The following RSF1 variants were observed in gnomAD, a reference collection of about 807,000 sequenced individuals.
RSF1 encodes remodeling and spacing factor 1, also known as HBV pX-associated protein 8.
A neutral mutation model predicts 145.2 loss-of-function variants in RSF1; 13 were observed. That is an observed-to-expected ratio of 0.09 (90% CI 0.06 to 0.14). RSF1 has a LOEUF of 0.14. Ranked by LOEUF, RSF1 falls within the 10% of genes least tolerant of loss-of-function variation. The pLI is 1.00. For synonymous variants in RSF1, 577 were observed against 592.6 expected, an observed-to-expected ratio of 0.97 and a Z score of 0.38; for missense variants, 1,517 against 1,718.2, an observed-to-expected ratio of 0.88 and a Z score of 2.07.
At chr11:77,755,484 G>T (rs1166551725) in intron 2 of RSF1, among the ~76,000 whole-genome samples, 1 of 152,192 alleles carries the variant, frequency 6.6e-6, no homozygotes, top group Non-Finnish European at 1.5e-5. Flanking sequence ...ATGATGGTAT[G>T]TATCAGACAT....
chr11:77,783,398 A>C (rs1948423530), intron 1 of RSF1, among the ~76,000 whole-genome samples: 2 of 152,164 alleles, frequency 1.3e-5, no homozygotes, highest in South Asian at 4.1e-4. Context: ...TTTTCATCCG[A>C]AGATGTTTCT....
At chr11:77,798,965 A>T (rs1590893904) in intron 1 of RSF1, among the ~76,000 whole-genome samples, 1 of 99,506 alleles carries the variant, frequency 1.0e-5, no homozygotes, top group African/African-American at 5.0e-5. Flanking sequence ...AAGTATAATT[A>T]AAAAAAAAAA....
intron 1 of RSF1, among the ~76,000 whole-genome samples, chr11:77,775,938 A>C (rs922285785): frequency 6.6e-6 from 1 of 152,110 alleles, no homozygotes; most frequent in Non-Finnish European, 1.5e-5. Context: ...ATGCTTGACT[A>C]ATTTTTAAAT....
the RSF1 span, among the ~76,000 whole-genome samples, chr11:77,863,952 G>C: frequency 6.6e-6 from 1 of 150,970 alleles, no homozygotes; most frequent in African/African-American, 2.4e-5. Flanking sequence ...TTGAGACAGA[G>C]TTTCACTCTT....
Position 77,661,311 on chromosome 11 carries a change from T to A in RSF1, c.*5606A>T, listed in dbSNP as rs182720130. ...TTTGAAAGAGAATAGAACACCAGAC[T>A]AACATTGAGAATACCCTAGTTAGGC... On this transcript the variant is annotated 3_prime_UTR_variant, in exon 16 of 16. Coordinates refer to ENST00000308488, the MANE Select transcript of RSF1 (RefSeq NM_016578.4). 5.3e-5 allele frequency: 8 copies of A among 152,236 alleles called. No homozygotes were observed. The East Asian group carries it at 1.5e-3, about 29-fold the overall frequency. 9.4% of individuals were successfully genotyped at this position (152,236 alleles called of 1,614,324 possible).
chr11:77,728,930 T>A (rs1211180905), intron 4 of RSF1, among the ~76,000 whole-genome samples: 2 of 151,798 alleles, frequency 1.3e-5, no homozygotes, highest in Non-Finnish European at 2.9e-5. Context: ...TGGACAAGAA[T>A]GCAGCTATGA....
the RSF1 span, among the ~76,000 whole-genome samples, chr11:77,852,527 C>A: frequency 6.6e-6 from 1 of 152,120 alleles, no homozygotes; most frequent in African/African-American, 2.4e-5. Context: ...CACCTCCCAT[C>A]AGGTCCCTCC....
At position 77,665,786 on chromosome 11, in the gene RSF1, A is replaced by G. The variant is rs1311172195; in HGVS notation, c.*1131T>C. ...CACACACACGCACACGCACACACAC[A>G]AACACACACACACGCTAAAACTCAA... On this transcript the variant is annotated 3_prime_UTR_variant, in exon 16 of 16. Transcript: ENST00000308488. 2.6e-5 allele frequency: 4 copies of G among 151,832 alleles called. No individual in the cohort carries two copies. Among genetic ancestry groups the G allele is most frequent in the African/African-American group, 9.7e-5 (4 of 41,280 alleles). 9.4% of individuals were successfully genotyped at this position (151,832 alleles called of 1,614,324 possible).
chr11:77,854,752 G>A, the RSF1 span, among the ~76,000 whole-genome samples: 3 of 152,308 alleles, frequency 2.0e-5, no homozygotes, highest in Admixed American at 2.0e-4. Flanking sequence ...ATGTCTGGAG[G>A]ATGGTGGCCC....
intron 1 of RSF1, among the ~76,000 whole-genome samples, chr11:77,814,343 A>T (rs182290888): frequency 1.9e-4 from 29 of 152,250 alleles, no homozygotes; most frequent in African/African-American, 5.8e-4. Flanking sequence ...TACCAAAAAA[A>T]TTTTTAAAAA....
chr11:77,803,500 T>C (rs1274448735), intron 1 of RSF1, among the ~76,000 whole-genome samples: 1 of 147,684 alleles, frequency 6.8e-6, no homozygotes, highest in African/African-American at 2.5e-5. Context: ...TTATGTTGGC[T>C]GGGCATAGTG....
At chr11:77,725,958 A>G (rs904237599) in intron 4 of RSF1, among the ~76,000 whole-genome samples, 4 of 152,154 alleles carry the variant, frequency 2.6e-5, no homozygotes, top group Non-Finnish European at 4.4e-5. Context: ...TTGGGTTGAA[A>G]AGAAAAGTAG....
chr11:77,670,918 C>T (rs758701120), intron 15 of RSF1, among the ~76,000 whole-genome samples: 1 of 150,698 alleles, frequency 6.6e-6, no homozygotes, highest in Non-Finnish European at 1.5e-5. Flanking sequence ...ACTAGCTTGG[C>T]CAACATGGTG....
At chr11:77,765,506 ATCTGCCC>A (rs1948216546) in intron 1 of RSF1, among the ~76,000 whole-genome samples, 1 of 152,208 alleles carries the variant, frequency 6.6e-6, no homozygotes, top group African/African-American at 2.4e-5. Flanking sequence ...CTCAGTCAAA[ATCTGCCC>A]TCTGACAACT....
intron 1 of RSF1, among the ~76,000 whole-genome samples, chr11:77,814,196 T>TC (rs1948759681): frequency 2.4e-5 from 1 of 41,188 alleles, no homozygotes; most frequent in Non-Finnish European, 3.9e-5. Context: ...CGAGACTGTC[T>TC]CAAAAAAAAA....
chr11:77,849,645 G>GT, the RSF1 span, among the ~76,000 whole-genome samples: 40 of 150,934 alleles, frequency 2.7e-4, no homozygotes, highest in South Asian at 6.3e-4. Flanking sequence ...TTTTTTGTGT[G>GT]TTTTTTTTTA....
At position 77,676,279 on chromosome 11, in the gene RSF1, C is replaced by CT. The variant is rs72097709; in HGVS notation, c.3341+512dup. 2.4e-3 allele frequency among the ~76,000 whole-genome samples: 349 copies of CT among 145,284 alleles called. 2 individuals carry two copies. The highest frequency in any genetic ancestry group is 5.5e-3 in the South Asian group (25 of 4,570). On this transcript the variant is annotated intron_variant, in intron 13 of 15. Transcript: ENST00000308488. ...TTTTAGTAGCAGTTATGCAGAATGA[C>CT]TTTTTTTTTTTTTTGTGGTTTATAT... is the stretch of plus-strand genomic sequence containing the variant.
At chr11:77,765,731 G>A (rs534608651) in intron 1 of RSF1, among the ~76,000 whole-genome samples, 3 of 152,216 alleles carry the variant, frequency 2.0e-5, no homozygotes, top group East Asian at 1.9e-4. Context: ...GGACACATAC[G>A]GCTGTCAAAA....
chr11:77,810,290 T>A (rs1421273160), intron 1 of RSF1, among the ~76,000 whole-genome samples: 1 of 152,222 alleles, frequency 6.6e-6, no homozygotes, highest in Non-Finnish European at 1.5e-5. Flanking sequence ...CCAATTACCA[T>A]GTCACATGGC....
Sources: gnomAD v4.1 joint callset for allele counts (sites outside exome capture counted in the v4.1 genomes callset) on GRCh38, gnomAD v4.1.1 for gene constraint, MANE v1.5 for transcripts, NCBI Gene and HGNC (gene_info 2026-07-23, HGNC 2026-07-21) for gene names.